The following SLC6A17 variants were observed in gnomAD, a reference collection of about 807,000 sequenced individuals.
SLC6A17 encodes the protein solute carrier family 6 member 17.
SLC6A17 carries 21 observed loss-of-function variants against 64.5 expected under a neutral mutation model. The ratio of observed to expected loss-of-function variants is 0.33; its 90% CI spans 0.23 to 0.47. The LOEUF is 0.47. SLC6A17 is among the 20% of genes least tolerant of loss of function. SLC6A17 has a pLI of 1.00. For missense variants in SLC6A17, 682 were observed against 963.2 expected, an observed-to-expected ratio of 0.71 and a Z score of 3.86; for synonymous variants, 372 against 399.5, an observed-to-expected ratio of 0.93 and a Z score of 0.82.
chr1:110,186,959 AG>A (rs1656701432), intron 6 of SLC6A17, among the ~76,000 whole-genome samples: 1 of 152,238 alleles, frequency 6.6e-6, no homozygotes, highest in Non-Finnish European at 1.5e-5. Flanking sequence ...ATTACAGCCT[AG>A]GCAAAGGCCA....
At chr1:110,151,639 C>G (rs1416666092) in intron 1 of SLC6A17, among the ~76,000 whole-genome samples, 1 of 152,178 alleles carries the variant, frequency 6.6e-6, no homozygotes. Context: ...TCCCCAGGGG[C>G]GCGGCTGCCT....
At chr1:110,157,107 C>T (rs1655780546) in intron 1 of SLC6A17, among the ~76,000 whole-genome samples, 1 of 152,220 alleles carries the variant, frequency 6.6e-6, no homozygotes, top group African/African-American at 2.4e-5. Flanking sequence ...TATACTCTCA[C>T]AGGTCCTTTA....
intron 6 of SLC6A17, among the ~76,000 whole-genome samples, chr1:110,187,388 G>GT (rs1280509607): frequency 6.6e-6 from 1 of 152,198 alleles, no homozygotes; most frequent in Non-Finnish European, 1.5e-5. Context: ...ACAGCTTGGT[G>GT]TTTGCCTTAT....
chr1:110,176,718 C>T lies in SLC6A17; in HGVS notation c.843C>T (p.Ile281=), dbSNP rs751028376. ...TGCTGCGAGGGGCAGTTGATGGCAT[C>T]CTACACATGTTCACTCCCAAGGTAA... ...GLLLRGAVDG[I]LHMFTPKLDK... is the part of the protein sequence containing the mutation. The change falls in exon 6 of 12, where the codon ATC becomes ATT. Residue 281 remains isoleucine, a synonymous_variant. Transcript: ENST00000331565. 3 of 1,613,750 alleles carry T rather than the reference C, an allele frequency of 1.9e-6. No homozygotes were observed. In the African/African-American group the frequency reaches 4.0e-5, roughly 22 times the overall value.
chr1:110,197,194 G>T (rs1350060868), intron 10 of SLC6A17, among the ~76,000 whole-genome samples: 3 of 152,200 alleles, frequency 2.0e-5, no homozygotes. Context: ...GGTGTGTCTG[G>T]TGGGCCCTAT....
intron 2 of SLC6A17, 97 bp downstream of exon 2, chr1:110,167,312 C>T (rs1656094191): frequency 6.9e-7 from 1 of 1,443,076 alleles, no homozygotes; most frequent in Non-Finnish European, 9.2e-7. Context: ...GAACTGGAGC[C>T]CTTGTAGGTT....
rs1557843132 is a variant in SLC6A17, at chr1:110,198,112, A to T, written c.1852A>T (p.Met618Leu). 3 of 1,613,784 alleles carry T rather than the reference A, an allele frequency of 1.9e-6. No homozygotes were observed. The highest frequency in any genetic ancestry group is 2.2e-5 in the South Asian group (2 of 91,082). Residue 618 changes from methionine (M) to leucine (L), a missense_variant, in exon 12 of 12, where the codon ATG becomes TTG. Around this residue, in one of 3 missense-constraint regions of SLC6A17, gnomAD observed 264 missense variants for 339.5 expected, o/e 0.78. Coordinates refer to ENST00000331565, the MANE Select transcript of SLC6A17 (RefSeq NM_001010898.4). ...CTACCTGTATTTCCCCAACTGGGCC[A>T]TGGCACTCCTGATCACCCTCATCGT... ...ERYLYFPNWA[M>L]ALLITLIVVA...
Position 110,195,633 on chromosome 1 carries a change from C to T in SLC6A17, c.1540C>T (p.Arg514Cys), listed in dbSNP as rs776517148. 15 of 1,614,126 alleles carry T rather than the reference C, an allele frequency of 9.3e-6. No homozygotes were observed. Among genetic ancestry groups the T allele is most frequent in the Middle Eastern group, 1.6e-4 (1 of 6,082 alleles). ...AFLVGLLFVQ[R>C]SGNYFVTMFD... is the part of the protein sequence containing the mutation. ...CCTCGTGGGGCTGTTGTTCGTCCAG[C>T]GCTCCGGAAACTACTTTGTCACCAT... The change falls in exon 10 of 12, where the codon CGC becomes TGC. Residue 514 changes from arginine to cysteine, a missense_variant. Around this residue, in one of 3 missense-constraint regions of SLC6A17, gnomAD observed 264 missense variants for 339.5 expected, o/e 0.78. Coordinates refer to ENST00000331565, the MANE Select transcript of SLC6A17 (RefSeq NM_001010898.4).
intron 1 of SLC6A17, among the ~76,000 whole-genome samples, chr1:110,157,054 A>G (rs1655778717): frequency 6.6e-6 from 1 of 152,172 alleles, no homozygotes; most frequent in Non-Finnish European, 1.5e-5. Context: ...CTGGACTTTT[A>G]TTTGCACATC....
Position 110,200,306 on chromosome 1 carries a change from G to A in SLC6A17, c.*1862G>A. ...CTACCTGTCTTTCCTGAGTGTTTGAGGGGAGAGAGAGACCCACATCTCCCC... is the reference window on the plus strand; with the variant it reads ...CTACCTGTCTTTCCTGAGTGTTTGAAGGGAGAGAGAGACCCACATCTCCCC... On this transcript the variant is annotated 3_prime_UTR_variant, in exon 12 of 12. Coordinates refer to ENST00000331565, the MANE Select transcript of SLC6A17 (RefSeq NM_001010898.4). 1 of 386,418 alleles carries A rather than the reference G, an allele frequency of 2.6e-6. No individual in the cohort carries two copies. The highest frequency in any genetic ancestry group is 4.6e-6 in the Non-Finnish European group (1 of 219,360). 23.9% of individuals were successfully genotyped at this position (386,418 alleles called of 1,614,324 possible). A position where few individuals can be genotyped will look rare whatever the true frequency, so the allele number is the denominator to read the frequency against.
Position 110,195,580 on chromosome 1 carries a change from C to T in SLC6A17, c.1493-6C>T. On this transcript the variant is annotated splice_region_variant and splice_polypyrimidine_tract_variant and intron_variant, in intron 9 of 11. Transcript: ENST00000331565. The stretch of plus-strand genomic sequence containing the variant: ...GCCCCCAAACCGGCCTCCCGGCTCT[C>T]TGTAGTGGGCTGCTGTGTCTTTGCA... 1 of 1,614,122 alleles carries T rather than the reference C, an allele frequency of 6.2e-7. No homozygotes were observed. The highest frequency in any genetic ancestry group is 8.5e-7 in the Non-Finnish European group (1 of 1,180,026).
chr1:110,171,493 T>C (rs1346299572), intron 2 of SLC6A17, among the ~76,000 whole-genome samples: 1 of 152,122 alleles, frequency 6.6e-6, no homozygotes, highest in Non-Finnish European at 1.5e-5. Context: ...TCCTCTCAAT[T>C]AGCTGTAGAT....
rs1195359685 is a variant in SLC6A17, at chr1:110,199,136, A to G, written c.*692A>G. The G allele has an allele frequency of 6.6e-6, 1 of 152,660 alleles. No individual in the cohort carries two copies. Among genetic ancestry groups the G allele is most frequent in the Non-Finnish European group, 1.5e-5 (1 of 68,456 alleles). 9.5% of individuals were successfully genotyped at this position (152,660 alleles called of 1,614,324 possible). A position where few individuals can be genotyped will look rare whatever the true frequency, so the allele number is the denominator to read the frequency against. On this transcript the variant is annotated 3_prime_UTR_variant, in exon 12 of 12. Coordinates refer to ENST00000331565, the MANE Select transcript of SLC6A17 (RefSeq NM_001010898.4). The stretch of plus-strand genomic sequence containing the variant: ...CCTGGTCCCTGGGTGGAATCTTCCC[A>G]TGTCCTTGGCCCTGCCTGGGGTGTG...
rs1657072761 is a variant in SLC6A17 at position 110,199,839 on chromosome 1, A to G, written c.*1395A>G. ...GACCCAAGAGTAAATGTCTGCAGAG[A>G]GATGGATGGATGGATGGATAGATGG... On this transcript the variant is annotated 3_prime_UTR_variant, in exon 12 of 12. Coordinates refer to ENST00000331565, the MANE Select transcript of SLC6A17 (RefSeq NM_001010898.4). The G allele has an allele frequency of 5.2e-6, 2 of 388,236 alleles. No individual in the cohort carries two copies. Among genetic ancestry groups the G allele is most frequent in the Non-Finnish European group, 9.0e-6 (2 of 222,154 alleles). 24.0% of individuals were successfully genotyped at this position (388,236 alleles called of 1,614,324 possible). A position where few individuals can be genotyped will look rare whatever the true frequency, so the allele number is the denominator to read the frequency against.
intron 6 of SLC6A17, among the ~76,000 whole-genome samples, chr1:110,179,646 C>T (rs180962456): frequency 4.0e-5 from 6 of 151,444 alleles, no homozygotes; most frequent in East Asian, 3.9e-4. Context: ...GTCCACCTCC[C>T]GGGTTCAAGC....
chr1:110,159,085 G>A (rs1310839746), intron 1 of SLC6A17, among the ~76,000 whole-genome samples: 1 of 152,136 alleles, frequency 6.6e-6, no homozygotes, highest in Non-Finnish European at 1.5e-5. Flanking sequence ...AATTACTGGC[G>A]GGATTAAAGG....
chr1:110,182,863 G>A (rs925076613), intron 6 of SLC6A17, among the ~76,000 whole-genome samples: 2 of 152,058 alleles, frequency 1.3e-5, no homozygotes, highest in African/African-American at 2.4e-5. Flanking sequence ...AAATGGGAGC[G>A]AGGAATTGGA....
chr1:110,174,911 G>A lies in SLC6A17; in HGVS notation c.704G>A (p.Trp235Ter). 2 of 1,614,166 alleles carry A rather than the reference G, an allele frequency of 1.2e-6. No homozygotes were observed. Among genetic ancestry groups the A allele is most frequent in the Non-Finnish European group, 1.7e-6 (2 of 1,180,012 alleles). Residue 235 changes from tryptophan to a stop codon, truncating the protein, a stop_gained, in exon 5 of 12, where the codon TGG (tryptophan) becomes TAG (stop). Coordinates refer to ENST00000331565, the MANE Select transcript of SLC6A17 (RefSeq NM_001010898.4). LOFTEE classifies it high-confidence loss of function. The stretch of plus-strand genomic sequence containing the variant: ...ATGACCCTGTGCCTCCTCGTGGCCT[G>A]GAGCATCGTGGGGATGGCTGTCGTT... ...WKMTLCLLVA[W>*]SIVGMAVVKG...
rs777798587 is a variant in SLC6A17 at position 110,167,027 on chromosome 1, A to G, written c.98A>G (p.Tyr33Cys). ...DLLALEEPVD[Y>C]KQSVLNVAGE... The stretch of plus-strand genomic sequence containing the variant: ...CTGGCCCTCGAGGAGCCTGTGGACT[A>G]TAAGCAGAGTGTACTGAATGTGGCT... The change falls in exon 2 of 12, where the codon TAT (tyrosine) becomes TGT (cysteine). Residue 33 changes from tyrosine (Y) to cysteine (C), a missense_variant. Around this residue, in one of 3 missense-constraint regions of SLC6A17, gnomAD observed 415 missense variants for 603.8 expected, o/e 0.69. Coordinates refer to ENST00000331565, the MANE Select transcript of SLC6A17 (RefSeq NM_001010898.4). 5.0e-6 allele frequency: 8 copies of G among 1,613,048 alleles called. 1 individual carries two copies. Among genetic ancestry groups the G allele is most frequent in the South Asian group, 3.3e-5 (3 of 90,878 alleles).
Sources: gnomAD v4.1 joint callset for allele counts (sites outside exome capture counted in the v4.1 genomes callset) on GRCh38, gnomAD v4.1.1 for gene constraint, gnomAD v4.1.1 regional missense constraint, MANE v1.5 for transcripts, NCBI Gene and HGNC (gene_info 2026-07-23, HGNC 2026-07-21) for gene names.